Variants in ATG10 observed in about 807,000 individuals in gnomAD.
ATG10 encodes the protein autophagy related 10.
Under a neutral mutation model 32.1 loss-of-function variants are expected in ATG10, and 30 were observed. That is an observed-to-expected ratio of 0.94 (90% confidence interval 0.70 to 1.27). The LOEUF (loss-of-function observed/expected upper bound fraction) is 1.27, where lower values mean the gene tolerates loss of function less well. Among genes scored for constraint, ATG10 ranks in the 50% most tolerant of loss-of-function variants. ATG10 has a pLI of 0.00. For missense variants in ATG10, 233 were observed against 262.3 expected (o/e 0.89, Z 0.77); for synonymous variants, 87 against 91.5 (o/e 0.95, Z 0.28).
At chr5:81,991,959 T>C (rs1354642072) in intron 2 of ATG10, 4 of 152,218 alleles carry the variant, frequency 2.6e-5, no homozygotes, top group Non-Finnish European at 5.9e-5. Context: ...CCTGAGTAGC[T>C]GGGACCACAA....
At chr5:82,049,867 T>G (rs1420124718) in intron 2 of ATG10, among the ~76,000 whole-genome samples, 3 of 152,196 alleles carry the variant, frequency 2.0e-5, no homozygotes, top group Non-Finnish European at 4.4e-5. Flanking sequence ...TTACTCCTGA[T>G]TTAGATCTCA....
intron 5 of ATG10, among the ~76,000 whole-genome samples, chr5:82,231,312 A>G (rs1426916441): frequency 6.6e-6 from 1 of 152,232 alleles, no homozygotes; most frequent in East Asian, 1.9e-4. Flanking sequence ...GGATTAGACT[A>G]TACTTTTTAA....
intron 1 of ATG10, among the ~76,000 whole-genome samples, chr5:81,985,195 T>A (rs1158815588): frequency 6.6e-6 from 1 of 152,230 alleles, no homozygotes; most frequent in Non-Finnish European, 1.5e-5. Flanking sequence ...AAGAGTTTGT[T>A]GGAGTTTTAA....
At chr5:81,974,584 A>T (rs1760816842) in intron 1 of ATG10, among the ~76,000 whole-genome samples, 1 of 152,142 alleles carries the variant, frequency 6.6e-6, no homozygotes, top group Non-Finnish European at 1.5e-5. Context: ...TTTAAATGGA[A>T]TCTCCTTTGG....
At chr5:82,006,641 A>C (rs1234410381) in intron 2 of ATG10, among the ~76,000 whole-genome samples, 4 of 152,206 alleles carry the variant, frequency 2.6e-5, no homozygotes, top group Admixed American at 6.5e-5. Context: ...ATTTTTATAT[A>C]GTTTTAAAAA....
At chr5:82,234,591 T>G (rs1246073843) in intron 5 of ATG10, among the ~76,000 whole-genome samples, 1 of 152,242 alleles carries the variant, frequency 6.6e-6, no homozygotes, top group Non-Finnish European at 1.5e-5. Context: ...TGAAAAGATT[T>G]GGAAAGTAAA....
At chr5:82,006,355 A>T (rs977187470) in intron 2 of ATG10, among the ~76,000 whole-genome samples, 1 of 152,208 alleles carries the variant, frequency 6.6e-6, no homozygotes, top group Non-Finnish European at 1.5e-5. Context: ...TCAAGCATAC[A>T]AAAGTAAAGA....
At chr5:82,227,361 A>G (rs1375225108) in intron 5 of ATG10, among the ~76,000 whole-genome samples, 1 of 151,440 alleles carries the variant, frequency 6.6e-6, no homozygotes, top group Non-Finnish European at 1.5e-5. Context: ...ACATATATAT[A>G]TATTTTAAAA....
chr5:82,189,258 T>A (rs1744568340), intron 5 of ATG10, among the ~76,000 whole-genome samples: 1 of 152,152 alleles, frequency 6.6e-6, no homozygotes, highest in Admixed American at 6.5e-5. Context: ...AAACATAAAC[T>A]AAGGAAAGAT....
At chr5:82,164,689 T>C in intron 4 of ATG10, 152 bp downstream of exon 4, 4 of 708,204 alleles carry the variant, frequency 5.6e-6, no homozygotes, top group Non-Finnish European at 9.1e-6. Flanking sequence ...AATTTTCTCA[T>C]GCTTCAGAAA....
intron 1 of ATG10, among the ~76,000 whole-genome samples, chr5:81,974,020 T>C (rs1391778481): frequency 1.3e-5 from 2 of 152,216 alleles, no homozygotes; most frequent in African/African-American, 4.8e-5. Context: ...ACAAACTACA[T>C]GTCGACAGTA....
At chr5:81,993,106 G>A (rs1000837647) in intron 2 of ATG10, among the ~76,000 whole-genome samples, 1 of 152,072 alleles carries the variant, frequency 6.6e-6, no homozygotes, top group Non-Finnish European at 1.5e-5. Flanking sequence ...TTCACAGTCA[G>A]ACAGATCCAG....
chr5:82,122,901 C>T (rs767738435), intron 3 of ATG10, among the ~76,000 whole-genome samples: 3 of 152,172 alleles, frequency 2.0e-5, no homozygotes, highest in Non-Finnish European at 4.4e-5. Flanking sequence ...CACTTATACA[C>T]TGTTGGTGGG....
chr5:82,145,938 G>C (rs907202633), intron 3 of ATG10, among the ~76,000 whole-genome samples: 38 of 152,098 alleles, frequency 2.5e-4, no homozygotes, highest in Non-Finnish European at 5.1e-4. Flanking sequence ...AACTCCTGAC[G>C]TCAGGTGATC....
chr5:82,231,847 G>GT (rs1221888666), intron 5 of ATG10, among the ~76,000 whole-genome samples: 1 of 152,196 alleles, frequency 6.6e-6, no homozygotes, highest in Non-Finnish European at 1.5e-5. Context: ...AGCTATAGCT[G>GT]TAACTGGAGT....
In ATG10 at chr5:82,119,730, G is replaced by T. The variant is rs559325931; in HGVS notation, c.217-44669G>T. Among the ~76,000 whole-genome samples the T allele has an allele frequency of 6.0e-4, 91 of 152,146 alleles. 1 individual carries two copies. Among genetic ancestry groups the T allele is most frequent in the African/African-American group, 2.1e-3 (89 of 41,496 alleles). On this transcript the variant is annotated intron_variant, in intron 3 of 7. Transcript: ENST00000282185. ...CCTGCCTCGGCCTCCCAAAGTGCTGGGATTACAGGTGTGAGCCACCGTGCC... is the reference window on the plus strand; with the variant it reads ...CCTGCCTCGGCCTCCCAAAGTGCTGTGATTACAGGTGTGAGCCACCGTGCC...
At chr5:82,165,059 A>G (rs1172856587) in intron 4 of ATG10, among the ~76,000 whole-genome samples, 1 of 152,170 alleles carries the variant, frequency 6.6e-6, no homozygotes, top group African/African-American at 2.4e-5. Context: ...GCTGTTACTC[A>G]ACTCATTCCC....
intron 3 of ATG10, among the ~76,000 whole-genome samples, chr5:82,154,253 T>C (rs1265786259): frequency 6.6e-6 from 1 of 152,230 alleles, no homozygotes; most frequent in Non-Finnish European, 1.5e-5. Context: ...CTAGGCTGTT[T>C]TCATGCTGCA....
chr5:82,028,379 A>G (rs1055724731), intron 2 of ATG10, among the ~76,000 whole-genome samples: 27 of 152,368 alleles, frequency 1.8e-4, no homozygotes, highest in African/African-American at 6.3e-4. Context: ...TGAAGGTGGT[A>G]AATTCATACT....
Sources: allele counts gnomAD v4.1 joint callset (sites outside exome capture counted in the v4.1 genomes callset), GRCh38; gene constraint gnomAD v4.1.1; transcripts MANE v1.5; gene names NCBI Gene and HGNC (gene_info 2026-07-23, HGNC 2026-07-21).